The following BCL2L12 variants were observed in gnomAD, a reference collection of about 807,000 sequenced individuals.
BCL2L12 encodes BCL2 like 12.
In BCL2L12, 27 loss-of-function variants were observed where a neutral mutation model predicts 25.7. The ratio of observed to expected loss-of-function variants is 1.05; its 90% CI spans 0.78 to 1.45. BCL2L12 has a LOEUF of 1.45. Among genes scored for constraint, BCL2L12 ranks in the 40% most tolerant of loss-of-function variants. The probability of loss-of-function intolerance (pLI) is 0.00; values close to 1 mark genes in which losing one functional copy is unlikely to be tolerated. For missense variants in BCL2L12, 302 were observed against 329.8 expected (o/e 0.92, Z 0.65); for synonymous variants, 132 against 145.6 (o/e 0.91, Z 0.67).
intron 3 of BCL2L12, among the ~76,000 whole-genome samples, 186 bp downstream of exon 3, chr19:49,667,347 T>G (rs961048684): frequency 6.6e-6 from 1 of 152,160 alleles, no homozygotes; most frequent in Non-Finnish European, 1.5e-5. Flanking sequence ...TCAGAGAGCA[T>G]TTGGTCAATC....
rs772614154 is a variant in BCL2L12, at chr19:49,673,821, C to T, written c.*73C>T. ...TCTTCGTGTGCTTTTCCAAGTCTTCCTATTCCACTCAGGGCTGTGGGGTGG... is the reference window on the plus strand; with the variant it reads ...TCTTCGTGTGCTTTTCCAAGTCTTCTTATTCCACTCAGGGCTGTGGGGTGG... On this transcript the variant is annotated 3_prime_UTR_variant, in exon 7 of 7. Transcript: ENST00000246784. 1.9e-6 allele frequency: 3 copies of T among 1,570,134 alleles called. No homozygotes were observed. The highest frequency in any genetic ancestry group is 1.1e-5 in the South Asian group (1 of 89,998).
Position 49,666,019 on chromosome 19 carries a change from A to G in BCL2L12, c.-57A>G, listed in dbSNP as rs750953700. The G allele has an allele frequency of 5.1e-6, 8 of 1,579,558 alleles. No homozygotes were observed. The highest frequency in any genetic ancestry group is 2.3e-5 in the East Asian group (1 of 43,210). On this transcript the variant is annotated 5_prime_UTR_variant, in exon 1 of 7. Transcript: ENST00000246784. Reference sequence around the variant, plus strand: ...AATAAAGTTTGTACGAGTTCAGTGGAGGAGACCGCAAGTTGAGTGGAGGAG... The same window carrying G: ...AATAAAGTTTGTACGAGTTCAGTGGGGGAGACCGCAAGTTGAGTGGAGGAG...
At chr19:49,665,639 G>C (rs571354251), upstream of BCL2L12, 1 of 717,600 alleles carries the variant, frequency 1.4e-6, no homozygotes, top group Admixed American at 2.9e-5. Flanking sequence ...ACCTACGATG[G>C]AAGGTCGGGG....
upstream of BCL2L12, chr19:49,665,503 A>G (rs185063299): frequency 2.9e-3 from 779 of 264,650 alleles, 6 homozygotes; most frequent in African/African-American, 0.013. Context: ...CGGCCACTGT[A>G]GCTCCTTCCT....
intron 5 of BCL2L12, 64 bp from the exon 6 acceptor site, chr19:49,670,152 C>T (rs2081923996): frequency 1.2e-5 from 18 of 1,561,792 alleles, no homozygotes; most frequent in Non-Finnish European, 1.5e-5. Context: ...CCACGCCTCC[C>T]GGCCCTCTAT....
intron 6 of BCL2L12, 118 bp downstream of exon 6, chr19:49,670,606 C>T (rs547775929): frequency 1.5e-6 from 2 of 1,363,638 alleles, no homozygotes; most frequent in South Asian, 2.7e-5. Context: ...AGCTCCACTG[C>T]GTTCGTTCTG....
intron 5 of BCL2L12, among the ~76,000 whole-genome samples, chr19:49,669,715 G>T (rs935877292): frequency 1.3e-5 from 2 of 151,908 alleles, no homozygotes; most frequent in Non-Finnish European, 2.9e-5. Context: ...GTGAATGAAT[G>T]TGGGGGTGGG....
Position 49,672,424 on chromosome 19 carries a change from A to G in BCL2L12, c.703-1274A>G, listed in dbSNP as rs1319537083. On this transcript the variant is annotated intron_variant, in intron 6 of 6. Transcript: ENST00000246784. This position sits in a 1 kb window ranked among gnomAD's most constrained non-coding sequence, Gnocchi z 4.1. ...CAGCCAGGACCCTGTGGTCACGGTG[A>G]GTGACAACTCGGACTTTGACTCTGG... Among the ~76,000 whole-genome samples, 4 of 152,200 alleles carry G rather than the reference A, an allele frequency of 2.6e-5. No individual in the cohort carries two copies. The highest frequency in any genetic ancestry group is 1.5e-5 in the Non-Finnish European group (1 of 68,030).
chr19:49,670,110 C>T lies in BCL2L12; in HGVS notation c.430-106C>T, dbSNP rs1267670942. On this transcript the variant is annotated intron_variant, in intron 5 of 6. Transcript: ENST00000246784. ...ATATGGATGAGGGGTGGCCTAGAAC[C>T]TTAGCATCTAGAACGATCCTGAACC... 4.9e-6 allele frequency: 7 copies of T among 1,424,314 alleles called. No homozygotes were observed. The Admixed American group carries it at 1.3e-4, about 27-fold the overall frequency. 88.2% of individuals were successfully genotyped at this position (1,424,314 alleles called of 1,614,324 possible).
At position 49,666,059 on chromosome 19, in the gene BCL2L12, C is replaced by T; in HGVS notation, c.-17C>T. ...GAGTGGAGGAGGCGGCGGTGGGGCC[C>T]CGGACCAGGTCAGCGGGGTGTTGAC... On this transcript the variant is annotated 5_prime_UTR_variant, in exon 1 of 7. Transcript: ENST00000246784. 6.4e-7 allele frequency: 1 copy of T among 1,552,032 alleles called. No homozygotes were observed. The highest frequency in any genetic ancestry group is 8.7e-7 in the Non-Finnish European group (1 of 1,146,298).
At chr19:49,669,403 G>A (rs1193328390) in intron 5 of BCL2L12, among the ~76,000 whole-genome samples, 1 of 152,080 alleles carries the variant, frequency 6.6e-6, no homozygotes, top group Non-Finnish European at 1.5e-5. Flanking sequence ...AGGTGTGGTG[G>A]TGCGCTTCTG....
At chr19:49,665,634 C>CA, upstream of BCL2L12, 1 of 695,300 alleles carries the variant, frequency 1.4e-6, no homozygotes, top group South Asian at 2.0e-5. Flanking sequence ...GCGTTACCTA[C>CA]GATGGAAGGT....
chr19:49,668,721 C>T, intron 3 of BCL2L12, 130 bp from the exon 4 acceptor site: 1 of 975,958 alleles, frequency 1.0e-6, no homozygotes, highest in Non-Finnish European at 1.5e-6. Context: ...CTCCGTTTCC[C>T]AAAATCAATA....
chr19:49,666,867 T>C (rs1464338503), intron 2 of BCL2L12, 68 bp downstream of exon 2: 3 of 1,515,458 alleles, frequency 2.0e-6, no homozygotes, highest in Non-Finnish European at 2.7e-6. Flanking sequence ...TTGCTCCTGG[T>C]CTCAGTCTGT....
chr19:49,668,727 C>G (rs910080433), intron 3 of BCL2L12, 124 bp from the exon 4 acceptor site: 3 of 999,406 alleles, frequency 3.0e-6, no homozygotes, highest in Non-Finnish European at 4.4e-6. Context: ...TTCCCAAAAT[C>G]AATACATAAA....
intron 3 of BCL2L12, among the ~76,000 whole-genome samples, chr19:49,667,901 C>G (rs1259520077): frequency 6.6e-6 from 1 of 152,000 alleles, no homozygotes; most frequent in African/African-American, 2.4e-5. Context: ...GTGCCTCAGC[C>G]TCCCGAGTGA....
chr19:49,672,763 G>C lies in BCL2L12; in HGVS notation c.703-935G>C, dbSNP rs571696837. Reference sequence around the variant, plus strand: ...TGGGGATGGGGGCGATGGGGGTGGGGAGCAGGACTGGAGGTGGTCCGGTCT... The same window carrying C: ...TGGGGATGGGGGCGATGGGGGTGGGCAGCAGGACTGGAGGTGGTCCGGTCT... On this transcript the variant is annotated intron_variant, in intron 6 of 6. Coordinates refer to ENST00000246784, the MANE Select transcript of BCL2L12 (RefSeq NM_138639.2). This position sits in a 1 kb window ranked among gnomAD's most constrained non-coding sequence, Gnocchi z 4.1. 6.6e-6 allele frequency among the ~76,000 whole-genome samples: 1 copy of C among 152,210 alleles called. No homozygotes were observed. Among genetic ancestry groups the C allele is most frequent in the African/African-American group, 2.4e-5 (1 of 41,524 alleles).
rs111417205 is a variant in BCL2L12 at position 49,672,377 on chromosome 19, G to A, written c.703-1321G>A. ...ACAGTAGGGTGAGCGGGCGACAGAT[G>A]AGAGGAGGAGAGGCGCCGGGCCAGC... is the stretch of plus-strand genomic sequence containing the variant. On this transcript the variant is annotated intron_variant, in intron 6 of 6. Transcript: ENST00000246784. The surrounding 1 kb of genome is among the most constrained non-coding windows in gnomAD (Gnocchi z 4.1). 5.3e-5 allele frequency among the ~76,000 whole-genome samples: 8 copies of A among 152,356 alleles called. No homozygotes were observed. The highest frequency in any genetic ancestry group is 1.9e-4 in the East Asian group (1 of 5,188).
chr19:49,667,216 A>G, intron 3 of BCL2L12, 55 bp downstream of exon 3: 1 of 1,590,348 alleles, frequency 6.3e-7, no homozygotes. Context: ...ATAAGGTGCT[A>G]GTTTAAGATC....
Sources: allele counts gnomAD v4.1 joint callset (sites outside exome capture counted in the v4.1 genomes callset), GRCh38; gene constraint gnomAD v4.1.1; non-coding constraint Gnocchi (gnomAD v3.1); transcripts MANE v1.5; gene names NCBI Gene and HGNC (gene_info 2026-07-23, HGNC 2026-07-21).